PALM2AKAP2: variants seen among roughly 807,000 people sequenced by gnomAD.
PALM2AKAP2 encodes the protein PALM2-AKAP2 fusion protein.
Under a neutral mutation model 71.5 loss-of-function variants are expected in PALM2AKAP2, and 37 were observed. The observed-to-expected ratio is 0.52, with a 90% CI of 0.40 to 0.68. The LOEUF (loss-of-function observed/expected upper bound fraction) is 0.68. PALM2AKAP2 is among the 30% of genes least tolerant of loss of function. PALM2AKAP2 has a pLI of 0.00. For missense variants in PALM2AKAP2, 1,224 were observed against 1,191.8 expected, an observed-to-expected ratio of 1.03 and a Z score of -0.40; for synonymous variants, 468 against 478.8, an observed-to-expected ratio of 0.98 and a Z score of 0.29.
chr9:110,011,599 G>T (rs993760929), intron 6 of PALM2AKAP2, among the ~76,000 whole-genome samples: 2 of 152,154 alleles, frequency 1.3e-5, no homozygotes, highest in African/African-American at 4.8e-5. Flanking sequence ...AAGGGAAGTG[G>T]CATTTTCAGA....
chr9:109,807,543 G>C (rs1287257506), intron 1 of PALM2AKAP2, among the ~76,000 whole-genome samples: 1 of 150,312 alleles, frequency 6.7e-6, no homozygotes, highest in Non-Finnish European at 1.5e-5. Flanking sequence ...GAAGGGGCAA[G>C]GCAGCTCTCT....
chr9:109,916,935 A>G (rs1370764879), intron 3 of PALM2AKAP2, among the ~76,000 whole-genome samples: 2 of 152,248 alleles, frequency 1.3e-5, no homozygotes, highest in African/African-American at 4.8e-5. Context: ...TCCACAGGCT[A>G]AGCCTCAGAA....
intron 5 of PALM2AKAP2, among the ~76,000 whole-genome samples, chr9:109,931,528 T>C (rs1016276420): frequency 2.0e-5 from 3 of 152,244 alleles, no homozygotes; most frequent in Non-Finnish European, 4.4e-5. Context: ...GTTCAGAGAA[T>C]GGATCTGTTT....
At chr9:109,978,849 T>C (rs1052362727) in intron 6 of PALM2AKAP2, among the ~76,000 whole-genome samples, 1 of 152,160 alleles carries the variant, frequency 6.6e-6, no homozygotes, top group Non-Finnish European at 1.5e-5. Flanking sequence ...AGCCATTCAA[T>C]AGTGTCACTA....
At chr9:110,061,687 C>T (rs1429142253) in intron 1 of PALM2AKAP2, among the ~76,000 whole-genome samples, 2 of 150,734 alleles carry the variant, frequency 1.3e-5, no homozygotes, top group South Asian at 2.1e-4. Context: ...AACAGGTACA[C>T]ACCACCACGC....
intron 1 of PALM2AKAP2, among the ~76,000 whole-genome samples, chr9:109,719,043 A>G (rs1828368525): frequency 6.6e-6 from 1 of 152,248 alleles, no homozygotes; most frequent in Admixed American, 6.5e-5. Context: ...CAGTCACTTC[A>G]TATTCAAGGC....
chr9:109,727,464 T>C (rs116943317), intron 1 of PALM2AKAP2, among the ~76,000 whole-genome samples: 6,492 of 104,664 alleles, frequency 0.062, 190 homozygotes, highest in Non-Finnish European at 0.072. Flanking sequence ...CTAAGTTCCA[T>C]TAACAACATT....
intron 1 of PALM2AKAP2, among the ~76,000 whole-genome samples, chr9:109,742,251 TCACACACACACACACACA>T (rs72323941): frequency 0.063 from 9,129 of 145,404 alleles, 316 homozygotes; most frequent in Middle Eastern, 0.067. Context: ...TGTGATGTAT[TCACACACACACACACACA>T]CACACACACA....
At chr9:109,901,500 T>C (rs1469517143) in intron 3 of PALM2AKAP2, among the ~76,000 whole-genome samples, 2 of 152,216 alleles carry the variant, frequency 1.3e-5, no homozygotes, top group Admixed American at 6.5e-5. Context: ...CAGGATCTTC[T>C]GTCTCTTTGA....
chr9:109,783,807 G>A (rs1472713983), intron 1 of PALM2AKAP2, among the ~76,000 whole-genome samples: 1 of 152,202 alleles, frequency 6.6e-6, no homozygotes, highest in Non-Finnish European at 1.5e-5. Flanking sequence ...AGCTGCCTGA[G>A]GCTGAAACCT....
intron 1 of PALM2AKAP2, among the ~76,000 whole-genome samples, chr9:109,767,312 C>T (rs1252301036): frequency 1.3e-5 from 2 of 152,182 alleles, no homozygotes; most frequent in Admixed American, 1.3e-4. Flanking sequence ...CAGGGCCGCC[C>T]CACCGGCCTG....
In PALM2AKAP2 at chr9:110,078,702, A is replaced by G. The variant is rs139584567; in HGVS notation, c.156+29847A>G. On this transcript the variant is annotated intron_variant, in intron 1 of 3. Transcript: ENST00000374525. ...TTTGTTTTAATTAGGAAGCTATTTCACTTGCACTCTTGTACTACTGTTGAC... is the reference window on the plus strand; with the variant it reads ...TTTGTTTTAATTAGGAAGCTATTTCGCTTGCACTCTTGTACTACTGTTGAC... Among the ~76,000 whole-genome samples the G allele has an allele frequency of 7.1e-3, 1,081 of 152,332 alleles. 9 individuals carry two copies. Among genetic ancestry groups the G allele is most frequent in the Middle Eastern group, 0.017 (5 of 294 alleles).
At chr9:109,664,424 A>G (rs1001046528) in intron 1 of PALM2AKAP2, among the ~76,000 whole-genome samples, 1 of 152,068 alleles carries the variant, frequency 6.6e-6, no homozygotes, top group African/African-American at 2.4e-5. Flanking sequence ...TCTGTAAAGG[A>G]TTTTATTTCT....
At chr9:110,154,089 GTT>G (rs1836388885) in intron 2 of PALM2AKAP2, among the ~76,000 whole-genome samples, 1 of 152,168 alleles carries the variant, frequency 6.6e-6, no homozygotes, top group African/African-American at 2.4e-5. Flanking sequence ...GCATGAAATT[GTT>G]CATCTCACCC....
intron 6 of PALM2AKAP2, among the ~76,000 whole-genome samples, chr9:109,965,719 A>G (rs1161874276): frequency 6.6e-6 from 1 of 152,174 alleles, no homozygotes; most frequent in African/African-American, 2.4e-5. Context: ...AAAGTGGTAA[A>G]TGGTATTATG....
At chr9:109,751,051 C>T (rs942977496) in intron 1 of PALM2AKAP2, among the ~76,000 whole-genome samples, 15 of 152,246 alleles carry the variant, frequency 9.9e-5, no homozygotes, top group African/African-American at 3.4e-4. Context: ...AGTGCGATGT[C>T]CATGTGAGTC....
chr9:109,875,057 C>G (rs897647308), intron 2 of PALM2AKAP2, among the ~76,000 whole-genome samples: 1 of 152,196 alleles, frequency 6.6e-6, no homozygotes, highest in African/African-American at 2.4e-5. Flanking sequence ...CTACAGAATC[C>G]TACCTAATCT....
intron 1 of PALM2AKAP2, among the ~76,000 whole-genome samples, chr9:109,706,198 T>A (rs1828141714): frequency 6.6e-6 from 1 of 152,242 alleles, no homozygotes. Flanking sequence ...AAAGGCTGTA[T>A]TGCAGTTTTT....
intron 3 of PALM2AKAP2, among the ~76,000 whole-genome samples, chr9:109,896,532 C>T (rs1830207623): frequency 6.6e-6 from 1 of 152,136 alleles, no homozygotes; most frequent in African/African-American, 2.4e-5. Context: ...TTATTCAGGC[C>T]AGGCATAGTG....
Sources: gnomAD v4.1 joint callset for allele counts (sites outside exome capture counted in the v4.1 genomes callset) on GRCh38, gnomAD v4.1.1 for gene constraint, MANE v1.5 for transcripts, NCBI Gene and HGNC (gene_info 2026-07-23, HGNC 2026-07-21) for gene names.